Variants in AGPAT4 observed in about 807,000 individuals in gnomAD.
AGPAT4 encodes the protein 1-acylglycerol-3-phosphate O-acyltransferase 4.
AGPAT4 carries 15 observed loss-of-function variants against 48.0 expected under a neutral mutation model. The ratio of observed to expected loss-of-function variants is 0.31; its 90% CI spans 0.21 to 0.48. The LOEUF (loss-of-function observed/expected upper bound fraction) is 0.48. Among genes scored for constraint, AGPAT4 ranks in the 20% least tolerant of loss-of-function variants. The pLI, the probability that AGPAT4 is intolerant of heterozygous loss-of-function variation, is 0.99. For missense variants in AGPAT4, 314 were observed against 482.5 expected (o/e 0.65, Z 3.27); for synonymous variants, 178 against 198.7 (o/e 0.90, Z 0.88).
chr6:161,226,743 C>A lies in AGPAT4; in HGVS notation c.178+5293G>T, dbSNP rs1335525851. On this transcript the variant is annotated intron_variant, in intron 2 of 8. Coordinates refer to ENST00000320285, the MANE Select transcript of AGPAT4 (RefSeq NM_020133.3). The surrounding 1 kb of genome is among the most constrained non-coding windows in gnomAD (Gnocchi z 6.3). The stretch of plus-strand genomic sequence containing the variant: ...GCCAGGATTCCCCACAGAGAGGTTA[C>A]CATAGAGGAGGCTCCTGAGAGGCCA... 6.6e-6 allele frequency among the ~76,000 whole-genome samples: 1 copy of A among 152,170 alleles called. No individual in the cohort carries two copies. Among genetic ancestry groups the A allele is most frequent in the African/African-American group, 2.4e-5 (1 of 41,448 alleles).
At position 161,206,293 on chromosome 6, in the gene AGPAT4, G is replaced by C. The variant is rs2115014779; in HGVS notation, c.178+25743C>G. Among the ~76,000 whole-genome samples, 1 of 152,258 alleles carries C rather than the reference G, an allele frequency of 6.6e-6. No individual in the cohort carries two copies. Among genetic ancestry groups the C allele is most frequent in the East Asian group, 1.9e-4 (1 of 5,190 alleles). On this transcript the variant is annotated intron_variant, in intron 2 of 8. Coordinates refer to ENST00000320285, the MANE Select transcript of AGPAT4 (RefSeq NM_020133.3). The surrounding 1 kb of genome is among the most constrained non-coding windows in gnomAD (Gnocchi z 4.8). ...GGTGACCGATGTCATAGAAGGCTAA[G>C]TGGGGAGCTGGAACCTCCATCATTC...
rs550897269 is a variant in AGPAT4, at chr6:161,178,742, A to G, written c.179-12325T>C. 1.3e-4 allele frequency among the ~76,000 whole-genome samples: 20 copies of G among 152,318 alleles called. No individual in the cohort carries two copies. The East Asian group carries it at 3.7e-3, about 28-fold the overall frequency. ...GGAGCTGTAGACTGGAGCTGTTCCTATTCGGCCATCTTGCCATGGTTGATC... is the reference window on the plus strand; with the variant it reads ...GGAGCTGTAGACTGGAGCTGTTCCTGTTCGGCCATCTTGCCATGGTTGATC... On this transcript the variant is annotated intron_variant, in intron 2 of 8. Transcript: ENST00000320285. This position sits in a 1 kb window ranked among gnomAD's most constrained non-coding sequence, Gnocchi z 5.1.
chr6:161,247,620 G>A (rs537843806), intron 1 of AGPAT4, among the ~76,000 whole-genome samples: 13 of 152,210 alleles, frequency 8.5e-5, no homozygotes, highest in African/African-American at 2.9e-4. Context: ...GGCAAAAGCC[G>A]GAAGCATTCC....
chr6:161,241,225 T>C (rs1782477133), intron 1 of AGPAT4, among the ~76,000 whole-genome samples: 1 of 144,626 alleles, frequency 6.9e-6, no homozygotes, highest in African/African-American at 2.6e-5. Flanking sequence ...ATCGCGCCAT[T>C]GCACTCCAGC....
Position 161,202,396 on chromosome 6 carries a change from A to G in AGPAT4, c.178+29640T>C, listed in dbSNP as rs1781260675. ...TGTCATGGTAGTTGGCTTCCTCTGG[A>G]TGACAGAGGACAGAGGGGAAAAGAG... On this transcript the variant is annotated intron_variant, in intron 2 of 8. Coordinates refer to ENST00000320285, the MANE Select transcript of AGPAT4 (RefSeq NM_020133.3). This position sits in a 1 kb window ranked among gnomAD's most constrained non-coding sequence, Gnocchi z 5.4. Among the ~76,000 whole-genome samples, 1 of 152,024 alleles carries G rather than the reference A, an allele frequency of 6.6e-6. No homozygotes were observed. The highest frequency in any genetic ancestry group is 1.9e-4 in the East Asian group (1 of 5,160).
In AGPAT4 at chr6:161,225,807, C is replaced by T. The variant is rs959278748; in HGVS notation, c.178+6229G>A. On this transcript the variant is annotated intron_variant, in intron 2 of 8. Transcript: ENST00000320285. This position sits in a 1 kb window ranked among gnomAD's most constrained non-coding sequence, Gnocchi z 5.0. ...TGTCCCAACAGATAAACTCGTGGGC[C>T]GCTTGCTCAGTCCAGGAGGCAGGGC... is the stretch of plus-strand genomic sequence containing the variant. Among the ~76,000 whole-genome samples the T allele has an allele frequency of 3.3e-5, 5 of 152,162 alleles. No individual in the cohort carries two copies. In the South Asian group the frequency reaches 1.0e-3, roughly 31 times the overall value.
rs1170167399 is a variant in AGPAT4 at position 161,198,885 on chromosome 6, T to A, written c.179-32468A>T. On this transcript the variant is annotated intron_variant, in intron 2 of 8. Transcript: ENST00000320285. This position sits in a 1 kb window ranked among gnomAD's most constrained non-coding sequence, Gnocchi z 4.3. ...ATATCTTGTTTATATGATCCACGAT[T>A]CTATATTTTAAACTCCAGAAACTCC... Among the ~76,000 whole-genome samples, 1 of 152,190 alleles carries A rather than the reference T, an allele frequency of 6.6e-6. No homozygotes were observed. The highest frequency in any genetic ancestry group is 1.5e-5 in the Non-Finnish European group (1 of 68,030).
chr6:161,257,726 C>T (rs1432297201), intron 1 of AGPAT4, among the ~76,000 whole-genome samples: 2 of 151,552 alleles, frequency 1.3e-5, no homozygotes, highest in African/African-American at 2.4e-5. Flanking sequence ...GGAATGTGGA[C>T]AAGAAGGAGA....
chr6:161,256,052 G>A (rs3757027), intron 1 of AGPAT4, among the ~76,000 whole-genome samples: 11,278 of 152,106 alleles, frequency 0.074, 1,253 homozygotes, highest in African/African-American at 0.24. Context: ...CAGCCTGCAG[G>A]AAAAAGCCAC....
intron 2 of AGPAT4, among the ~76,000 whole-genome samples, chr6:161,190,975 T>C (rs1780906694): frequency 6.6e-6 from 1 of 152,222 alleles, no homozygotes; most frequent in African/African-American, 2.4e-5. Context: ...GGATTTCCCA[T>C]GAAGACAGAC....
chr6:161,172,358 C>A (rs557019121), intron 2 of AGPAT4, among the ~76,000 whole-genome samples: 4 of 152,214 alleles, frequency 2.6e-5, no homozygotes, highest in Non-Finnish European at 5.9e-5. Context: ...GCCCACCACA[C>A]CTGCCGAGCA....
At chr6:161,260,204 C>G (rs568263280) in intron 1 of AGPAT4, among the ~76,000 whole-genome samples, 159 of 152,286 alleles carry the variant, frequency 1.0e-3, no homozygotes, top group Non-Finnish European at 1.9e-3. Flanking sequence ...TAGGCGATGC[C>G]TTTCATTCCT....
chr6:161,252,230 T>C (rs1562358038), intron 1 of AGPAT4, among the ~76,000 whole-genome samples: 1 of 152,164 alleles, frequency 6.6e-6, no homozygotes, highest in African/African-American at 2.4e-5. Flanking sequence ...TTTCTTGCAG[T>C]GGTAATAGGA....
rs746506332 is a variant in AGPAT4, at chr6:161,232,074, C to T, written c.140G>A (p.Arg47Gln). 5.0e-6 allele frequency: 8 copies of T among 1,613,982 alleles called. No individual in the cohort carries two copies. The highest frequency in any genetic ancestry group is 5.9e-6 in the Non-Finnish European group (7 of 1,179,954). ...LLWPINKQLF[R>Q]KINCRLSYCI... Reference sequence around the variant, plus strand: ...ATAGGACAGTCTGCAGTTGATCTTCCGGAAGAGCTGCTTGTTAATGGGCCA... The same window carrying T: ...ATAGGACAGTCTGCAGTTGATCTTCTGGAAGAGCTGCTTGTTAATGGGCCA... Residue 47 changes from arginine to glutamine, a missense_variant, in exon 2 of 9, where the codon CGG (arginine) becomes CAG (glutamine). Coordinates refer to ENST00000320285, the MANE Select transcript of AGPAT4 (RefSeq NM_020133.3). This position sits in a 1 kb window ranked among gnomAD's most constrained non-coding sequence, Gnocchi z 6.8.
rs1783303906 is a variant in AGPAT4 at position 161,267,657 on chromosome 6, G to A, written c.-90+6281C>T. ...GAATCGCTTGAACCCAGGAGGCAGAGGTTGCAGTGAGCCAAGACTGCGCCA... is the reference window on the plus strand; with the variant it reads ...GAATCGCTTGAACCCAGGAGGCAGAAGTTGCAGTGAGCCAAGACTGCGCCA... On this transcript the variant is annotated intron_variant, in intron 1 of 8. Coordinates refer to ENST00000320285, the MANE Select transcript of AGPAT4 (RefSeq NM_020133.3). This position sits in a 1 kb window ranked among gnomAD's most constrained non-coding sequence, Gnocchi z 5.2. Among the ~76,000 whole-genome samples the A allele has an allele frequency of 6.6e-6, 1 of 152,056 alleles. No homozygotes were observed. Among genetic ancestry groups the A allele is most frequent in the Non-Finnish European group, 1.5e-5 (1 of 68,010 alleles).
chr6:161,211,797 C>G (rs1781529202), intron 2 of AGPAT4, among the ~76,000 whole-genome samples: 1 of 152,018 alleles, frequency 6.6e-6, no homozygotes, highest in Non-Finnish European at 1.5e-5. Context: ...AGTCCTGGGT[C>G]TAAAAATGAC....
At position 161,176,972 on chromosome 6, in the gene AGPAT4, C is replaced by T. The variant is rs537013447; in HGVS notation, c.179-10555G>A. Among the ~76,000 whole-genome samples the T allele has an allele frequency of 3.3e-5, 5 of 152,300 alleles. No individual in the cohort carries two copies. In the South Asian group the frequency reaches 1.0e-3, roughly 32 times the overall value. On this transcript the variant is annotated intron_variant, in intron 2 of 8. Transcript: ENST00000320285. Reference sequence around the variant, plus strand: ...TTTAAGAATGTTCAATATTGGCCCCCACTCTCTTCTGGCGTGTAGAGCTTC... The same window carrying T: ...TTTAAGAATGTTCAATATTGGCCCCTACTCTCTTCTGGCGTGTAGAGCTTC...
Position 161,231,644 on chromosome 6 carries a change from G to A in AGPAT4, c.178+392C>T, listed in dbSNP as rs6455709. Reference sequence around the variant, plus strand: ...CACTTAGTTTTTTAAAAAAAAATACGTATGTATATGTATCTATATAGATAT... The same window carrying A: ...CACTTAGTTTTTTAAAAAAAAATACATATGTATATGTATCTATATAGATAT... On this transcript the variant is annotated intron_variant, in intron 2 of 8. Coordinates refer to ENST00000320285, the MANE Select transcript of AGPAT4 (RefSeq NM_020133.3). The surrounding 1 kb of genome is among the most constrained non-coding windows in gnomAD (Gnocchi z 5.3). Among the ~76,000 whole-genome samples the A allele has an allele frequency of 0.022, 3,421 of 152,102 alleles. 145 individuals are homozygous for A. The highest frequency in any genetic ancestry group is 0.079 in the African/African-American group (3,267 of 41,470).
chr6:161,173,113 T>C (rs951324090), intron 2 of AGPAT4, among the ~76,000 whole-genome samples: 10 of 152,342 alleles, frequency 6.6e-5, no homozygotes, highest in Non-Finnish European at 1.0e-4. Flanking sequence ...TATGTGTACA[T>C]GTGTCTTTAT....
Sources: allele counts gnomAD v4.1 joint callset (sites outside exome capture counted in the v4.1 genomes callset), GRCh38; gene constraint gnomAD v4.1.1; non-coding constraint Gnocchi (gnomAD v3.1); transcripts MANE v1.5; gene names NCBI Gene and HGNC (gene_info 2026-07-23, HGNC 2026-07-21).